Variants in ONECUT3 observed in about 807,000 individuals in gnomAD.
The protein encoded by ONECUT3 is one cut domain family member 3.
In ONECUT3, 11 loss-of-function variants were observed where a neutral mutation model predicts 16.8. That is an observed-to-expected ratio of 0.66 (90% confidence interval 0.41 to 1.09). ONECUT3 has a LOEUF of 1.09. ONECUT3 is among the 50% of genes least tolerant of loss of function. The pLI, the probability that ONECUT3 is intolerant of heterozygous loss-of-function variation, is 0.00. For synonymous variants in ONECUT3, 344 were observed against 310.7 expected, an observed-to-expected ratio of 1.11 and a Z score of -1.13; for missense variants, 637 against 629.9, an observed-to-expected ratio of 1.01 and a Z score of -0.12.
chr19:1,766,645 A>G lies in ONECUT3; in HGVS notation c.1193-8508A>G, dbSNP rs59660072. Among the ~76,000 whole-genome samples, 192 of 151,616 alleles carry G rather than the reference A, an allele frequency of 1.3e-3. 2 individuals are homozygous for G. Among genetic ancestry groups the G allele is most frequent in the East Asian group, 0.01 (53 of 5,124 alleles). ...CCCTCTTGGAGGGTGATGGGGGTTG[A>G]CAGGTGGGCCCCAGCTTGGGTTGCA... On this transcript the variant is annotated intron_variant, in intron 1 of 1. Transcript: ENST00000382349. The surrounding 1 kb of genome is among the most constrained non-coding windows in gnomAD (Gnocchi z 4.0).
Position 1,766,303 on chromosome 19 carries a change from C to T in ONECUT3, c.1193-8850C>T, listed in dbSNP as rs967416582. 6.6e-6 allele frequency among the ~76,000 whole-genome samples: 1 copy of T among 152,184 alleles called. No individual in the cohort carries two copies. Among genetic ancestry groups the T allele is most frequent in the Non-Finnish European group, 1.5e-5 (1 of 68,044 alleles). Reference sequence around the variant, plus strand: ...TGGACGGAGGCTGGCACCCTCAGCCCGCACGCGGCCAACGTCAGGCGCGCG... The same window carrying T: ...TGGACGGAGGCTGGCACCCTCAGCCTGCACGCGGCCAACGTCAGGCGCGCG... On this transcript the variant is annotated intron_variant, in intron 1 of 1. Transcript: ENST00000382349. The surrounding 1 kb of genome is among the most constrained non-coding windows in gnomAD (Gnocchi z 4.0).
chr19:1,765,600 C>T (rs1185535463), intron 1 of ONECUT3, among the ~76,000 whole-genome samples: 1 of 152,214 alleles, frequency 6.6e-6, no homozygotes, highest in East Asian at 1.9e-4. Context: ...CCTCACGCAG[C>T]AGCTGCTCCC....
At chr19:1,769,852 G>GT (rs2068037780) in intron 1 of ONECUT3, among the ~76,000 whole-genome samples, 2 of 152,120 alleles carry the variant, frequency 1.3e-5, no homozygotes, top group African/African-American at 4.8e-5. Flanking sequence ...AAAACGGGAA[G>GT]TTTTTTCAGA....
rs2068109962 is a variant in ONECUT3, at chr19:1,776,455, G to A, written c.*1010G>A. ...GAATCCACCGCCCCCCTTTCCGCCC[G>A]CGTCAGGGTCTGAACTGGGCTTGCA... is the stretch of plus-strand genomic sequence containing the variant. On this transcript the variant is annotated 3_prime_UTR_variant, in exon 2 of 2. Coordinates refer to ENST00000382349, the MANE Select transcript of ONECUT3 (RefSeq NM_001080488.2). The surrounding 1 kb of genome is among the most constrained non-coding windows in gnomAD (Gnocchi z 4.9). The A allele has an allele frequency of 6.6e-6, 1 of 152,180 alleles. No individual in the cohort carries two copies. Among genetic ancestry groups the A allele is most frequent in the Non-Finnish European group, 1.5e-5 (1 of 68,072 alleles). 9.4% of individuals were successfully genotyped at this position (152,180 alleles called of 1,614,324 possible).
At position 1,754,243 on chromosome 19, in the gene ONECUT3, C is replaced by T. The variant is rs1249113777; in HGVS notation, c.581C>T (p.Ala194Val). ...LYGPYGKELP[A>V]MGSPLSPLPN... ...GGACCCTACGGCAAGGAGCTGCCCG[C>T]CATGGGGTCGCCGCTGTCGCCGCTG... The change falls in exon 1 of 2, where the codon GCC (alanine) becomes GTC (valine). Residue 194 changes from alanine (A) to valine (V), a missense_variant. By Grantham distance (64) the Ala-to-Val change is moderately conservative. This residue lies in a region of ONECUT3 where 419 missense variants were observed against 377.9 expected (regional missense o/e 1.11). Coordinates refer to ENST00000382349, the MANE Select transcript of ONECUT3 (RefSeq NM_001080488.2). The surrounding 1 kb of genome is among the most constrained non-coding windows in gnomAD (Gnocchi z 7.4). The T allele has an allele frequency of 9.2e-7, 1 of 1,081,234 alleles. No individual in the cohort carries two copies. Among genetic ancestry groups the T allele is most frequent in the Non-Finnish European group, 1.1e-6 (1 of 893,096 alleles). 67.0% of individuals were successfully genotyped at this position (1,081,234 alleles called of 1,614,324 possible). A position where few individuals can be genotyped will look rare whatever the true frequency, so the allele number is the denominator to read the frequency against.
At position 1,759,775 on chromosome 19, in the gene ONECUT3, G is replaced by C. The variant is rs905425975; in HGVS notation, c.1192+4921G>C. Among the ~76,000 whole-genome samples the C allele has an allele frequency of 2.0e-5, 3 of 152,168 alleles. No individual in the cohort carries two copies. Among genetic ancestry groups the C allele is most frequent in the African/African-American group, 7.2e-5 (3 of 41,448 alleles). On this transcript the variant is annotated intron_variant, in intron 1 of 1. Transcript: ENST00000382349. The surrounding 1 kb of genome is among the most constrained non-coding windows in gnomAD (Gnocchi z 4.1). Reference sequence around the variant, plus strand: ...AGAATGAAATGACGCCTAGGAGAGGGGGTATGAGGGGCTGGAGGGGCTCAG... The same window carrying C: ...AGAATGAAATGACGCCTAGGAGAGGCGGTATGAGGGGCTGGAGGGGCTCAG...
chr19:1,765,563 C>T (rs1054405016), intron 1 of ONECUT3, among the ~76,000 whole-genome samples: 3 of 152,156 alleles, frequency 2.0e-5, no homozygotes, highest in Admixed American at 6.5e-5. Context: ...TGAGTGGAGG[C>T]CAGCTCCTGG....
chr19:1,775,133 C>G lies in ONECUT3; in HGVS notation c.1193-20C>G. ...TGGCGCTGTGTCCCGCTCGCCCGCC[C>G]GCCCGCCGCTCGCCCGCAGCCTGCA... is the stretch of plus-strand genomic sequence containing the variant. On this transcript the variant is annotated intron_variant, in intron 1 of 1. Coordinates refer to ENST00000382349, the MANE Select transcript of ONECUT3 (RefSeq NM_001080488.2). 7.8e-7 allele frequency: 1 copy of G among 1,282,148 alleles called. No individual in the cohort carries two copies. The highest frequency in any genetic ancestry group is 1.1e-6 in the Non-Finnish European group (1 of 946,672). 79.4% of individuals were successfully genotyped at this position (1,282,148 alleles called of 1,614,324 possible). A position where few individuals can be genotyped will look rare whatever the true frequency, so the allele number is the denominator to read the frequency against.
chr19:1,757,772 G>A (rs1222305300), intron 1 of ONECUT3, among the ~76,000 whole-genome samples: 1 of 152,236 alleles, frequency 6.6e-6, no homozygotes, highest in Non-Finnish European at 1.5e-5. Flanking sequence ...TTAAGTGGCG[G>A]CAAATCGCGG....
At position 1,775,899 on chromosome 19, in the gene ONECUT3, T is replaced by A. The variant is rs1339621758; in HGVS notation, c.*454T>A. ...TCCCCTGCCCCACCGAGGGAGGTAG[T>A]AGAAAACTTCCTTCCTCCCCACCCG... On this transcript the variant is annotated 3_prime_UTR_variant, in exon 2 of 2. Transcript: ENST00000382349. The A allele has an allele frequency of 1.3e-5, 2 of 151,324 alleles. No individual in the cohort carries two copies. The highest frequency in any genetic ancestry group is 4.9e-5 in the African/African-American group (2 of 41,062). 9.4% of individuals were successfully genotyped at this position (151,324 alleles called of 1,614,324 possible).
rs73919423 is a variant in ONECUT3, at chr19:1,766,435, A to T, written c.1193-8718A>T. On this transcript the variant is annotated intron_variant, in intron 1 of 1. Coordinates refer to ENST00000382349, the MANE Select transcript of ONECUT3 (RefSeq NM_001080488.2). This position sits in a 1 kb window ranked among gnomAD's most constrained non-coding sequence, Gnocchi z 4.0. ...CAAAGGCCTCTGGATGAAGGGGAGGATGAAGGGGGAGAGAAGGAGGAGGAG... is the reference window on the plus strand; with the variant it reads ...CAAAGGCCTCTGGATGAAGGGGAGGTTGAAGGGGGAGAGAAGGAGGAGGAG... 0.023 allele frequency among the ~76,000 whole-genome samples: 3,234 copies of T among 141,888 alleles called. 127 individuals are homozygous for T. The highest frequency in any genetic ancestry group is 0.077 in the African/African-American group (3,024 of 39,258). 93.1% of individuals were successfully genotyped at this position (141,888 alleles called of 152,430 possible). A position where few individuals can be genotyped will look rare whatever the true frequency, so the allele number is the denominator to read the frequency against.
Position 1,758,790 on chromosome 19 carries a change from G to A in ONECUT3, c.1192+3936G>A, listed in dbSNP as rs572912225. Among the ~76,000 whole-genome samples, 7 of 152,184 alleles carry A rather than the reference G, an allele frequency of 4.6e-5. No individual in the cohort carries two copies. In the East Asian group the frequency reaches 1.2e-3, roughly 25 times the overall value. ...GGGGGAGGGGCGGGCGGGCTCCTCGGCGGGGGTGGGGGCGGTCGATGAATT... is the reference window on the plus strand; with the variant it reads ...GGGGGAGGGGCGGGCGGGCTCCTCGACGGGGGTGGGGGCGGTCGATGAATT... On this transcript the variant is annotated intron_variant, in intron 1 of 1. Coordinates refer to ENST00000382349, the MANE Select transcript of ONECUT3 (RefSeq NM_001080488.2). This position sits in a 1 kb window ranked among gnomAD's most constrained non-coding sequence, Gnocchi z 5.9.
chr19:1,775,778 G>A lies in ONECUT3; in HGVS notation c.*333G>A, dbSNP rs1008722734. On this transcript the variant is annotated 3_prime_UTR_variant, in exon 2 of 2. Coordinates refer to ENST00000382349, the MANE Select transcript of ONECUT3 (RefSeq NM_001080488.2). Reference sequence around the variant, plus strand: ...GCCTCGAGAAAAACCAGGGCTCACTGTGTTGTCCCCTAAAGCGGGTCAAGA... The same window carrying A: ...GCCTCGAGAAAAACCAGGGCTCACTATGTTGTCCCCTAAAGCGGGTCAAGA... The A allele has an allele frequency of 5.1e-5, 12 of 236,148 alleles. No homozygotes were observed. Among genetic ancestry groups the A allele is most frequent in the African/African-American group, 1.6e-4 (7 of 43,792 alleles). 14.6% of individuals were successfully genotyped at this position (236,148 alleles called of 1,614,324 possible). A position where few individuals can be genotyped will look rare whatever the true frequency, so the allele number is the denominator to read the frequency against.
chr19:1,761,382 A>C lies in ONECUT3; in HGVS notation c.1192+6528A>C, dbSNP rs192261392. On this transcript the variant is annotated intron_variant, in intron 1 of 1. Transcript: ENST00000382349. ...CCTCCTTCTCACTGCCGTCTCCCCC[A>C]CATCCTAAGGGAGCTTTGCATGGCC... Among the ~76,000 whole-genome samples, 299 of 152,098 alleles carry C rather than the reference A, an allele frequency of 2.0e-3. 5 individuals are homozygous for C. The highest frequency in any genetic ancestry group is 7.0e-3 in the African/African-American group (290 of 41,508).
At position 1,758,934 on chromosome 19, in the gene ONECUT3, T is replaced by A. The variant is rs952750848; in HGVS notation, c.1192+4080T>A. 6.6e-6 allele frequency among the ~76,000 whole-genome samples: 1 copy of A among 152,022 alleles called. No homozygotes were observed. Among genetic ancestry groups the A allele is most frequent in the African/African-American group, 2.4e-5 (1 of 41,336 alleles). On this transcript the variant is annotated intron_variant, in intron 1 of 1. Coordinates refer to ENST00000382349, the MANE Select transcript of ONECUT3 (RefSeq NM_001080488.2). The surrounding 1 kb of genome is among the most constrained non-coding windows in gnomAD (Gnocchi z 5.9). ...TTTTTGTAACTGATCAGAAAAAAAA[T>A]ACGTATATAGATAATACAAAGTTAG...
Position 1,777,239 on chromosome 19 carries a change from G to C in ONECUT3, c.*1794G>C. 6.6e-6 allele frequency: 1 copy of C among 152,200 alleles called. No homozygotes were observed. Among genetic ancestry groups the C allele is most frequent in the East Asian group, 1.9e-4 (1 of 5,188 alleles). The allele number at this position is 152,200 out of a possible 1,614,324, so 9.4% of individuals were successfully genotyped here. On this transcript the variant is annotated 3_prime_UTR_variant, in exon 2 of 2. Coordinates refer to ENST00000382349, the MANE Select transcript of ONECUT3 (RefSeq NM_001080488.2). ...TGGGGGGTTCCCAATAGTAGAAAGG[G>C]TCCCCATTCCTGCTCAGCACCGCAC...
At chr19:1,763,811 G>C (rs1036139447) in intron 1 of ONECUT3, among the ~76,000 whole-genome samples, 1 of 150,460 alleles carries the variant, frequency 6.6e-6, no homozygotes, top group South Asian at 2.1e-4. Flanking sequence ...CGTGAAGCGC[G>C]CATCCTGGTC....
Position 1,754,845 on chromosome 19 carries a change from C to A in ONECUT3, c.1183C>A (p.Arg395Ser). 1 of 1,498,202 alleles carries A rather than the reference C, an allele frequency of 6.7e-7. No homozygotes were observed. 92.8% of individuals were successfully genotyped at this position (1,498,202 alleles called of 1,614,324 possible). ...EPEFQRMSAL[R>S]LAACKRKEQE... ...AGAGTTCCAGCGCATGTCGGCGCTG[C>A]GCTTGGCAGGTAGGAGCGTGGCGCG... is the stretch of plus-strand genomic sequence containing the variant. Residue 395 changes from arginine (R) to serine (S), a missense_variant, in exon 1 of 2, where the codon CGC becomes AGC. By Grantham distance (110) the Arg-to-Ser change is moderately radical. Around this residue, in one of 3 missense-constraint regions of ONECUT3, gnomAD observed 183 missense variants for 188.3 expected, o/e 0.97. Transcript: ENST00000382349. The surrounding 1 kb of genome is among the most constrained non-coding windows in gnomAD (Gnocchi z 7.4).
At chr19:1,757,808 G>T (rs1483564182) in intron 1 of ONECUT3, among the ~76,000 whole-genome samples, 1 of 152,032 alleles carries the variant, frequency 6.6e-6, no homozygotes, top group East Asian at 1.9e-4. Flanking sequence ...GGCCGGATGC[G>T]TCCCCATCTC....
Sources: gnomAD v4.1 joint callset for allele counts (sites outside exome capture counted in the v4.1 genomes callset) on GRCh38, gnomAD v4.1.1 for gene constraint, gnomAD v4.1.1 regional missense constraint, Gnocchi (gnomAD v3.1) non-coding constraint, MANE v1.5 for transcripts, NCBI Gene and HGNC (gene_info 2026-07-23, HGNC 2026-07-21) for gene names.